The following SLC27A4 variants were observed in gnomAD, a reference collection of about 807,000 sequenced individuals.
SLC27A4 encodes the protein long-chain fatty acid transport protein 4.
SLC27A4 carries 33 observed loss-of-function variants against 64.4 expected under a neutral mutation model. The observed-to-expected ratio is 0.51, with a 90% CI of 0.39 to 0.68. The LOEUF (loss-of-function observed/expected upper bound fraction) is 0.68. Ranked by LOEUF, SLC27A4 falls within the 30% of genes least tolerant of loss-of-function variation. The probability of loss-of-function intolerance (pLI) is 0.00; values close to 1 mark genes in which losing one functional copy is unlikely to be tolerated. For missense variants in SLC27A4, 824 were observed against 883.5 expected (o/e 0.93, Z 0.85); for synonymous variants, 377 against 370.0 (o/e 1.02, Z -0.22).
Position 128,353,398 on chromosome 9 carries a change from A to G in SLC27A4, c.1198-17A>G. The G allele has an allele frequency of 6.2e-7, 1 of 1,614,166 alleles. No individual in the cohort carries two copies. The highest frequency in any genetic ancestry group is 2.2e-5 in the East Asian group (1 of 44,882). On this transcript the variant is annotated splice_polypyrimidine_tract_variant and intron_variant, in intron 8 of 12. Coordinates refer to ENST00000300456, the MANE Select transcript of SLC27A4 (RefSeq NM_005094.4). The surrounding 1 kb of genome is among the most constrained non-coding windows in gnomAD (Gnocchi z 4.9). ...CCCATGGTGAGAGAGCCCAGGCCCAAGTCTTGGCCTTCGCAGGTGGGGGCC... is the reference window on the plus strand; with the variant it reads ...CCCATGGTGAGAGAGCCCAGGCCCAGGTCTTGGCCTTCGCAGGTGGGGGCC...
intron 9 of SLC27A4, among the ~76,000 whole-genome samples, chr9:128,354,482 G>A (rs1200659211): frequency 5.3e-5 from 8 of 152,174 alleles, no homozygotes; most frequent in African/African-American, 1.9e-4. Context: ...AGAGGCTTGG[G>A]GCGCTGGCTT....
rs1588555682 is a variant in SLC27A4 at position 128,345,241 on chromosome 9, C to T, written c.248C>T (p.Thr83Ile). 2 of 1,613,864 alleles carry T rather than the reference C, an allele frequency of 1.2e-6. No homozygotes were observed. The highest frequency in any genetic ancestry group is 1.7e-6 in the Non-Finnish European group (2 of 1,180,018). Residue 83 changes from threonine (T) to isoleucine (I), a missense_variant, in exon 3 of 13, where the codon ACC becomes ATC. Transcript: ENST00000300456. This position sits in a 1 kb window ranked among gnomAD's most constrained non-coding sequence, Gnocchi z 4.1. The stretch of plus-strand genomic sequence containing the variant: ...ACAGTGCCCATTTTGTTTGCCTCTA[C>T]CGTTCGGCGCCACCCCGACAAGACG... ...RRTVPILFAS[T>I]VRRHPDKTAL...
At chr9:128,350,458 C>A (rs369803221) in intron 5 of SLC27A4, 26 bp from the exon 6 acceptor site, 248 of 1,612,132 alleles carry the variant, frequency 1.5e-4, no homozygotes, top group Non-Finnish European at 1.9e-4. Context: ...AGGGCCCGCT[C>A]AGCCCTTGGC....
At position 128,350,348 on chromosome 9, in the gene SLC27A4, G is replaced by A; in HGVS notation, c.752G>A (p.Gly251Glu). The A allele has an allele frequency of 6.2e-7, 1 of 1,613,346 alleles. No individual in the cohort carries two copies. Among genetic ancestry groups the A allele is most frequent in the Non-Finnish European group, 8.5e-7 (1 of 1,180,006 alleles). The change falls in exon 5 of 13, where the codon GGG (glycine) becomes GAG (glutamate). Residue 251 changes from glycine to glutamate, a missense_variant. Transcript: ENST00000300456. ...LFYIYTSGTTGLPKAAIVVHS... is the reference protein window; with the variant it reads ...LFYIYTSGTTELPKAAIVVHS... ...TACATCTACACATCCGGCACCACAGGGCTGCCCAAGGCCGCCATCGTGGTG... is the reference window on the plus strand; with the variant it reads ...TACATCTACACATCCGGCACCACAGAGCTGCCCAAGGCCGCCATCGTGGTG...
At chr9:128,347,080 C>T (rs1445670434) in intron 3 of SLC27A4, among the ~76,000 whole-genome samples, 1 of 152,134 alleles carries the variant, frequency 6.6e-6, no homozygotes, top group African/African-American at 2.4e-5. Context: ...TGGTAATCAT[C>T]CTTGTGACTA....
chr9:128,361,371 A>G lies in SLC27A4; in HGVS notation c.*880A>G, dbSNP rs138491306. 1 of 152,462 alleles carries G rather than the reference A, an allele frequency of 6.6e-6. No homozygotes were observed. Among genetic ancestry groups the G allele is most frequent in the Non-Finnish European group, 1.5e-5 (1 of 68,086 alleles). The allele number at this position is 152,462 out of a possible 1,614,324, so 9.4% of individuals were successfully genotyped here. On this transcript the variant is annotated 3_prime_UTR_variant, in exon 13 of 13. Transcript: ENST00000300456. ...CTAAGCTGAGGGTGTAGCAGGTAAGATGCCGCAGCCCCTGCCTCCAATGTG... is the reference window on the plus strand; with the variant it reads ...CTAAGCTGAGGGTGTAGCAGGTAAGGTGCCGCAGCCCCTGCCTCCAATGTG...
At chr9:128,350,284 G>A (rs905095954) in intron 4 of SLC27A4, 28 bp from the exon 5 acceptor site, 6 of 1,608,050 alleles carry the variant, frequency 3.7e-6, no homozygotes, top group African/African-American at 2.7e-5. Context: ...AGCTGCCCCC[G>A]ACAGCCACTC....
chr9:128,353,584 A>T lies in SLC27A4; in HGVS notation c.1324+43A>T. ...CAGAGAGGGAGGGGTTGGCCTGGGAAGGAAGGAGGCCAGGCGCGTGTGGAT... is the reference window on the plus strand; with the variant it reads ...CAGAGAGGGAGGGGTTGGCCTGGGATGGAAGGAGGCCAGGCGCGTGTGGAT... On this transcript the variant is annotated intron_variant, in intron 9 of 12. Transcript: ENST00000300456. The surrounding 1 kb of genome is among the most constrained non-coding windows in gnomAD (Gnocchi z 4.9). 1 of 1,607,860 alleles carries T rather than the reference A, an allele frequency of 6.2e-7. No homozygotes were observed. The highest frequency in any genetic ancestry group is 8.5e-7 in the Non-Finnish European group (1 of 1,175,982).
chr9:128,348,404 C>T, intron 3 of SLC27A4, 141 bp from the exon 4 acceptor site: 1 of 997,284 alleles, frequency 1.0e-6, no homozygotes, highest in East Asian at 2.4e-5. Context: ...CCCCTGTCAA[C>T]ACTGAAGGCC....
At position 128,345,080 on chromosome 9, in the gene SLC27A4, C is replaced by T; in HGVS notation, c.162-75C>T. The T allele has an allele frequency of 6.3e-7, 1 of 1,588,204 alleles. No homozygotes were observed. The highest frequency in any genetic ancestry group is 2.2e-5 in the East Asian group (1 of 44,662). On this transcript the variant is annotated intron_variant, in intron 2 of 12. Transcript: ENST00000300456. The surrounding 1 kb of genome is among the most constrained non-coding windows in gnomAD (Gnocchi z 4.1). ...CATGAAGCATAGGCTGGCGAGGCAGCAGCCTGGGGTAGGGTGTCAGGACCC... is the reference window on the plus strand; with the variant it reads ...CATGAAGCATAGGCTGGCGAGGCAGTAGCCTGGGGTAGGGTGTCAGGACCC...
intron 6 of SLC27A4, 73 bp from the exon 7 acceptor site, chr9:128,352,565 G>A: frequency 2.5e-6 from 3 of 1,177,796 alleles, no homozygotes; most frequent in Non-Finnish European, 3.8e-6. Context: ...TGGCTGGATG[G>A]CAGTATCACT....
In SLC27A4 at chr9:128,341,760, ACGGAGT is replaced by A. The variant is rs557379741; in HGVS notation, c.-7+924_-7+929del. Among the ~76,000 whole-genome samples, 476 of 151,788 alleles carry A rather than the reference ACGGAGT, an allele frequency of 3.1e-3. 1 individual carries two copies. Among genetic ancestry groups the A allele is most frequent in the Non-Finnish European group, 5.0e-3 (341 of 67,916 alleles). On this transcript the variant is annotated intron_variant, in intron 1 of 12. Coordinates refer to ENST00000300456, the MANE Select transcript of SLC27A4 (RefSeq NM_005094.4). ...GAGACTTTTTTTTTCTTTTTTTGAG[ACGGAGT>A]CTCGCTCTGTCTCCCAGGCTGGAGT...
intron 2 of SLC27A4, 57 bp downstream of exon 2, chr9:128,343,350 C>T (rs1205978937): frequency 2.5e-6 from 4 of 1,597,448 alleles, no homozygotes; most frequent in Non-Finnish European, 3.4e-6. Flanking sequence ...AGCTTCTGGT[C>T]CCCCAAATCT....
chr9:128,352,672 T>C lies in SLC27A4; in HGVS notation c.912T>C (p.His304=), dbSNP rs754774167. ...TGGGAATCGGCCAGTGCCTGCTGCA[T>C]GGCATGACGGTGGTGATTCGGAAGA... ...NIVGIGQCLL[H]GMTVVIRKKF... Residue 304 remains histidine, a synonymous_variant, in exon 7 of 13, where the codon CAT becomes CAC. Transcript: ENST00000300456. 13 of 1,614,218 alleles carry C rather than the reference T, an allele frequency of 8.1e-6. No homozygotes were observed. The South Asian group carries it at 1.2e-4, about 15-fold the overall frequency.
Position 128,352,713 on chromosome 9 carries a change from G to A in SLC27A4, c.953G>A (p.Arg318Gln), listed in dbSNP as rs183345361. 67 of 1,614,094 alleles carry A rather than the reference G, an allele frequency of 4.2e-5. No homozygotes were observed. In the African/African-American group the frequency reaches 6.5e-4, roughly 16 times the overall value. Residue 318 changes from arginine to glutamine, a missense_variant, in exon 7 of 13, where the codon CGG becomes CAG. By Grantham distance (43) the Arg-to-Gln change is conservative. Transcript: ENST00000300456. ...ATTCGGAAGAAGTTCTCAGCCTCCC[G>A]GTTCTGGGACGATTGTATCAAGTAC... Reference protein sequence around the residue: ...VVIRKKFSASRFWDDCIKYNC... With the variant: ...VVIRKKFSASQFWDDCIKYNC...
At chr9:128,350,668 G>T (rs1832722267) in intron 6 of SLC27A4, 93 bp downstream of exon 6, 5 of 1,032,658 alleles carry the variant, frequency 4.8e-6, no homozygotes, top group Non-Finnish European at 5.9e-6. Flanking sequence ...GAAACACACA[G>T]CTTTGGGCCA....
rs957316223 is a variant in SLC27A4 at position 128,360,773 on chromosome 9, G to A, written c.*282G>A. ...GTTTTCTCAGGATGATGTCTTGGGT[G>A]AGGGTAGGGAGAGGACAAGGGGTCA... is the stretch of plus-strand genomic sequence containing the variant. On this transcript the variant is annotated 3_prime_UTR_variant, in exon 13 of 13. Coordinates refer to ENST00000300456, the MANE Select transcript of SLC27A4 (RefSeq NM_005094.4). The A allele has an allele frequency of 1.5e-5, 7 of 467,050 alleles. No homozygotes were observed. Among genetic ancestry groups the A allele is most frequent in the African/African-American group, 1.4e-4 (7 of 50,624 alleles). 28.9% of individuals were successfully genotyped at this position (467,050 alleles called of 1,614,324 possible).
In SLC27A4 at chr9:128,343,210, A is replaced by G. The variant is rs1564398180; in HGVS notation, c.78A>G (p.Gly26=). 6.2e-7 allele frequency: 1 copy of G among 1,614,022 alleles called. No individual in the cohort carries two copies. The highest frequency in any genetic ancestry group is 8.5e-7 in the Non-Finnish European group (1 of 1,180,000). Residue 26 remains glycine (G), a synonymous_variant, in exon 2 of 13, where the codon GGA becomes GGG. Coordinates refer to ENST00000300456, the MANE Select transcript of SLC27A4 (RefSeq NM_005094.4). The part of the protein sequence containing the change: ...LVLKLPWTQV[G]FSLLFLYLGS... ...TGAAACTGCCCTGGACCCAGGTGGG[A>G]TTCTCCCTGTTGTTCCTCTACTTGG... is the stretch of plus-strand genomic sequence containing the variant.
intron 12 of SLC27A4, among the ~76,000 whole-genome samples, chr9:128,356,951 A>G (rs1441980451): frequency 2.6e-5 from 4 of 152,006 alleles, no homozygotes; most frequent in Non-Finnish European, 4.4e-5. Flanking sequence ...AAAATTAGCC[A>G]GGTATGGTGG....
Sources: gnomAD v4.1 joint callset for allele counts (sites outside exome capture counted in the v4.1 genomes callset) on GRCh38, gnomAD v4.1.1 for gene constraint, Gnocchi (gnomAD v3.1) non-coding constraint, MANE v1.5 for transcripts, NCBI Gene and HGNC (gene_info 2026-07-23, HGNC 2026-07-21) for gene names.